The following NUMB variants were observed in gnomAD, a reference collection of about 807,000 sequenced individuals.
The protein encoded by NUMB is protein numb homolog.
NUMB carries 29 observed loss-of-function variants against 59.7 expected under a neutral mutation model. The observed-to-expected ratio is 0.49, with a 90% CI of 0.36 to 0.66. The LOEUF is 0.66. Ranked by LOEUF, NUMB falls within the 30% of genes least tolerant of loss-of-function variation. NUMB has a pLI of 0.00. For missense variants in NUMB, 723 were observed against 822.0 expected (o/e 0.88, Z 1.47); for synonymous variants, 288 against 288.2 (o/e 1.00, Z 0.01).
chr14:73,447,676 A>C (rs1883622393), intron 1 of NUMB, among the ~76,000 whole-genome samples: 1 of 136,024 alleles, frequency 7.4e-6, no homozygotes, highest in Non-Finnish European at 1.5e-5. Context: ...TCATCTCTAC[A>C]AAAAAAAAAA....
At chr14:73,291,341 A>G (rs982364463) in intron 8 of NUMB, among the ~76,000 whole-genome samples, 1 of 151,726 alleles carries the variant, frequency 6.6e-6, no homozygotes, top group Admixed American at 6.6e-5. Context: ...TCAACCTCCC[A>G]AAGTGCTAGG....
rs1275011828 is a variant in NUMB at position 73,398,411 on chromosome 14, A to AGTGTGT, written c.-101+11525_-101+11526insACACAC. Among the ~76,000 whole-genome samples, 6 of 104,126 alleles carry AGTGTGT rather than the reference A, an allele frequency of 5.8e-5. No individual in the cohort carries two copies. In the East Asian group the frequency reaches 2.0e-3, roughly 34 times the overall value. The allele number at this position is 104,126 out of a possible 152,430, so 68.3% of individuals were successfully genotyped here. On this transcript the variant is annotated intron_variant, in intron 2 of 12. Coordinates refer to ENST00000555238, the MANE Select transcript of NUMB (RefSeq NM_001005743.2). ...CACACACAGAGAGAGAGAGAGAGAG[A>AGTGTGT]GAGAGTGTGTGTGTGTGTGTGTGTG...
chr14:73,349,318 T>C, intron 4 of NUMB, among the ~76,000 whole-genome samples: 1 of 152,288 alleles, frequency 6.6e-6, no homozygotes, highest in East Asian at 1.9e-4. Flanking sequence ...CCGGGCACAG[T>C]GGCTCATACC....
chr14:73,435,182 G>A (rs1159082890), intron 1 of NUMB, among the ~76,000 whole-genome samples: 1 of 152,000 alleles, frequency 6.6e-6, no homozygotes, highest in Non-Finnish European at 1.5e-5. Context: ...TGGCAAGGAT[G>A]TGGAGCAACT....
intron 2 of NUMB, among the ~76,000 whole-genome samples, chr14:73,368,088 T>G (rs1382003271): frequency 6.6e-6 from 1 of 152,158 alleles, no homozygotes; most frequent in Non-Finnish European, 1.5e-5. Flanking sequence ...TGCATATTTA[T>G]TTCTGTCCCC....
rs1421156416 is a variant in NUMB, at chr14:73,316,416, T to A, written c.208A>T (p.Lys70Ter). The A allele has an allele frequency of 6.2e-7, 1 of 1,613,782 alleles. No individual in the cohort carries two copies. The highest frequency in any genetic ancestry group is 1.7e-5 in the Admixed American group (1 of 59,994). The stretch of plus-strand genomic sequence containing the variant: ...TTTCCAAAGAAGCCTTTGAAGAACT[T>A]CCTTTCCTGGAGGAACAGGGGGACA... Reference protein sequence around the residue: ...DAVKRLKAERKFFKGFFGKTG... With the variant: ...DAVKRLKAER Residue 70 changes from lysine (K) to a stop codon, truncating the protein, a stop_gained, in exon 6 of 13, where the codon AAG (lysine) becomes TAG (stop). Coordinates refer to ENST00000555238, the MANE Select transcript of NUMB (RefSeq NM_001005743.2). LOFTEE classifies it high-confidence loss of function.
intron 3 of NUMB, among the ~76,000 whole-genome samples, chr14:73,357,991 C>T (rs1893898874): frequency 6.6e-6 from 1 of 151,854 alleles, no homozygotes; most frequent in Admixed American, 6.6e-5. Context: ...TACTCACCTA[C>T]CTACTCGGCC....
intron 1 of NUMB, among the ~76,000 whole-genome samples, chr14:73,446,129 T>C (rs902671092): frequency 6.6e-6 from 1 of 151,604 alleles, no homozygotes; most frequent in Admixed American, 6.6e-5. Flanking sequence ...CCCGAGTAGC[T>C]GGGACTATAA....
chr14:73,308,914 G>A lies in NUMB; in HGVS notation c.234+7476C>T, dbSNP rs533842074. 3.0e-4 allele frequency among the ~76,000 whole-genome samples: 45 copies of A among 152,304 alleles called. No homozygotes were observed. The South Asian group carries it at 8.7e-3, about 29-fold the overall frequency. On this transcript the variant is annotated intron_variant, in intron 6 of 12. Coordinates refer to ENST00000555238, the MANE Select transcript of NUMB (RefSeq NM_001005743.2). ...AATACAAAAGAAGATAAGGGCAGCC[G>A]TGGTGGGGTGGCAGAGGTAAAAGTT...
intron 1 of NUMB, among the ~76,000 whole-genome samples, chr14:73,414,303 C>G (rs567148516): frequency 1.3e-5 from 2 of 152,218 alleles, no homozygotes; most frequent in East Asian, 3.9e-4. Flanking sequence ...TTTTCAGAGA[C>G]TATAGGAAAG....
intron 6 of NUMB, among the ~76,000 whole-genome samples, chr14:73,312,959 ATAT>A (rs1056403277): frequency 3.3e-5 from 5 of 151,336 alleles, no homozygotes; most frequent in Non-Finnish European, 5.9e-5. Context: ...TACTCTGAAC[ATAT>A]TATTTTTTCA....
chr14:73,352,532 T>TTTG (rs1893450153), intron 4 of NUMB, among the ~76,000 whole-genome samples: 1 of 60,708 alleles, frequency 1.6e-5, no homozygotes, highest in African/African-American at 5.5e-5. Context: ...ATATATATGT[T>TTTG]TTTTTTTTTT....
intron 6 of NUMB, among the ~76,000 whole-genome samples, chr14:73,314,920 C>A (rs1195973981): frequency 6.6e-6 from 1 of 151,868 alleles, no homozygotes; most frequent in Non-Finnish European, 1.5e-5. Flanking sequence ...AAATATAATC[C>A]CTACTTATAA....
chr14:73,354,730 A>G (rs530783353), intron 4 of NUMB, among the ~76,000 whole-genome samples: 52 of 146,540 alleles, frequency 3.5e-4, no homozygotes, highest in African/African-American at 1.2e-3. Flanking sequence ...CAGGAGGCAC[A>G]GGCAAGAGAA....
At chr14:73,351,470 G>A (rs965573642) in intron 4 of NUMB, among the ~76,000 whole-genome samples, 1 of 151,954 alleles carries the variant, frequency 6.6e-6, no homozygotes, top group Non-Finnish European at 1.5e-5. Flanking sequence ...CCTGGCAACA[G>A]AGCAAGACTC....
rs368871988 is a variant in NUMB at position 73,287,097 on chromosome 14, G to C, written c.655+13C>G. 2 of 1,610,476 alleles carry C rather than the reference G, an allele frequency of 1.2e-6. No homozygotes were observed. Among genetic ancestry groups the C allele is most frequent in the Non-Finnish European group, 8.5e-7 (1 of 1,176,858 alleles). ...CTGCATTCCATAAATACACACTGTAGAACAGATTGTACCTTTCTTGGCATC... is the reference window on the plus strand; with the variant it reads ...CTGCATTCCATAAATACACACTGTACAACAGATTGTACCTTTCTTGGCATC... On this transcript the variant is annotated intron_variant, in intron 9 of 12. Transcript: ENST00000555238.
rs1473872062 is a variant in NUMB at position 73,398,425 on chromosome 14, T to A, written c.-101+11512A>T. 5.1e-4 allele frequency among the ~76,000 whole-genome samples: 53 copies of A among 103,834 alleles called. 1 individual carries two copies. The highest frequency in any genetic ancestry group is 1.6e-3 in the African/African-American group (43 of 27,072). 68.1% of individuals were successfully genotyped at this position (103,834 alleles called of 152,430 possible). On this transcript the variant is annotated intron_variant, in intron 2 of 12. Coordinates refer to ENST00000555238, the MANE Select transcript of NUMB (RefSeq NM_001005743.2). Reference sequence around the variant, plus strand: ...GAGAGAGAGAGAGAGAGTGTGTGTGTGTGTGTGTGTGTGTGTGTGTGTGTG... The same window carrying A: ...GAGAGAGAGAGAGAGAGTGTGTGTGAGTGTGTGTGTGTGTGTGTGTGTGTG...
intron 7 of NUMB, 26 bp from the exon 8 acceptor site, chr14:73,292,900 G>A (rs1160809951): frequency 6.2e-7 from 1 of 1,612,534 alleles, no homozygotes; most frequent in East Asian, 2.2e-5. Context: ...CACAAAGAAA[G>A]AGAAGACTTA....
intron 1 of NUMB, among the ~76,000 whole-genome samples, chr14:73,456,637 CCA>C (rs372847900): frequency 1.2e-3 from 181 of 152,294 alleles, no homozygotes; most frequent in African/African-American, 4.1e-3. Context: ...AAATCACAAT[CCA>C]CAGTTTGAAA....
Sources: allele counts gnomAD v4.1 joint callset (sites outside exome capture counted in the v4.1 genomes callset), GRCh38; gene constraint gnomAD v4.1.1; transcripts MANE v1.5; gene names NCBI Gene and HGNC (gene_info 2026-07-23, HGNC 2026-07-21).